PRRC2C: variants seen among roughly 807,000 people sequenced by gnomAD.
PRRC2C encodes the protein protein PRRC2C.
A neutral mutation model predicts 317.2 loss-of-function variants in PRRC2C; 72 were observed. That is an observed-to-expected ratio of 0.23 (90% CI 0.19 to 0.28). The LOEUF is 0.28. PRRC2C is among the 10% of genes least tolerant of loss of function. The pLI, the probability that PRRC2C is intolerant of heterozygous loss-of-function variation, is 1.00. For missense variants in PRRC2C, 3,074 were observed against 3,459.7 expected (o/e 0.89, Z 2.80); for synonymous variants, 1,296 against 1,205.9 (o/e 1.07, Z -1.55).
chr1:171,538,342 A>G (rs989324340), intron 15 of PRRC2C, among the ~76,000 whole-genome samples: 10 of 152,306 alleles, frequency 6.6e-5, no homozygotes, highest in African/African-American at 1.9e-4. Flanking sequence ...CTTATATAAT[A>G]TAGCTAGATG....
chr1:171,518,220 G>A (rs935092695), intron 6 of PRRC2C, among the ~76,000 whole-genome samples: 3 of 152,148 alleles, frequency 2.0e-5, no homozygotes, highest in Non-Finnish European at 2.9e-5. Context: ...AAAGAAGCAC[G>A]TACGTTACCA....
At chr1:171,492,103 G>C (rs1667257663) in intron 1 of PRRC2C, among the ~76,000 whole-genome samples, 1 of 152,286 alleles carries the variant, frequency 6.6e-6, no homozygotes, top group Non-Finnish European at 1.5e-5. Flanking sequence ...TTGGAAATTT[G>C]ATTTGTGGTG....
intron 23 of PRRC2C, among the ~76,000 whole-genome samples, chr1:171,570,564 C>T (rs1382284581): frequency 1.3e-5 from 2 of 152,112 alleles, no homozygotes; most frequent in East Asian, 1.9e-4. Context: ...GTTATTTTTC[C>T]TGAACAACTG....
intron 20 of PRRC2C, among the ~76,000 whole-genome samples, chr1:171,561,322 A>G (rs1007314494): frequency 3.9e-5 from 6 of 152,140 alleles, no homozygotes; most frequent in East Asian, 1.9e-4. Flanking sequence ...TTGTGGTGGC[A>G]TGTGCTTGTA....
chr1:171,575,159 A>G (rs769469434), intron 25 of PRRC2C, 31 bp downstream of exon 25: 4 of 1,542,856 alleles, frequency 2.6e-6, no homozygotes, highest in Non-Finnish European at 3.5e-6. Flanking sequence ...TTCTTTAAAT[A>G]TCTTACATTA....
rs370595615 is a variant in PRRC2C, at chr1:171,541,946, G to A, written c.4480G>A (p.Ala1494Thr). 3 of 1,613,780 alleles carry A rather than the reference G, an allele frequency of 1.9e-6. No individual in the cohort carries two copies. Among genetic ancestry groups the A allele is most frequent in the Non-Finnish European group, 2.5e-6 (3 of 1,179,784 alleles). ...ATCTAATCAGAACTCTTCAGATCAGGCAAATGAAGAATGGGAAACAGCTTC... is the reference window on the plus strand; with the variant it reads ...ATCTAATCAGAACTCTTCAGATCAGACAAATGAAGAATGGGAAACAGCTTC... The part of the protein sequence containing the change: ...DLSNQNSSDQ[A>T]NEEWETASES... Residue 1494 changes from alanine to threonine, a missense_variant, in exon 16 of 35, where the codon GCA becomes ACA. Physicochemically the swap from Ala to Thr is moderately conservative, Grantham distance 58 (BLOSUM62 0). This residue lies in a region of PRRC2C where 1,320 missense variants were observed against 1,395.7 expected (regional missense o/e 0.95). Transcript: ENST00000647382. The surrounding 1 kb of genome is among the most constrained non-coding windows in gnomAD (Gnocchi z 4.1).
rs901673097 is a variant in PRRC2C, at chr1:171,561,694, G to C, written c.6117+591G>C. On this transcript the variant is annotated intron_variant, in intron 20 of 34. Coordinates refer to ENST00000647382, the MANE Select transcript of PRRC2C (RefSeq NM_001387844.1). The stretch of plus-strand genomic sequence containing the variant: ...TCTCAAGAAAGATCTTAATGAAACA[G>C]AAAATAAAAGTGCAATTATTGTTTT... Among the ~76,000 whole-genome samples the C allele has an allele frequency of 7.9e-5, 12 of 152,250 alleles. No homozygotes were observed. In the South Asian group the frequency reaches 1.0e-3, roughly 13 times the overall value.
At chr1:171,516,737 CCG>C (rs1407614213) in intron 5 of PRRC2C, among the ~76,000 whole-genome samples, 2 of 152,166 alleles carry the variant, frequency 1.3e-5, no homozygotes, top group African/African-American at 4.8e-5. Flanking sequence ...TCTCTCAAAG[CCG>C]CGATGAAGCT....
chr1:171,556,363 C>G (rs1183822422), intron 18 of PRRC2C, among the ~76,000 whole-genome samples: 1 of 152,200 alleles, frequency 6.6e-6, no homozygotes, highest in Non-Finnish European at 1.5e-5. Context: ...GAAATCCCCC[C>G]ACCCCTTGTG....
At chr1:171,526,722 G>C (rs897098855) in intron 10 of PRRC2C, among the ~76,000 whole-genome samples, 1 of 150,158 alleles carries the variant, frequency 6.7e-6, no homozygotes, top group Non-Finnish European at 1.5e-5. Context: ...TGTAATGAGT[G>C]ATATGCTTTT....
Position 171,557,818 on chromosome 1 carries a change from C to T in PRRC2C, c.5706C>T (p.Ala1902=). The change falls in exon 19 of 35, where the codon GCC becomes GCT. Residue 1902 remains alanine (A), a synonymous_variant. Transcript: ENST00000647382. ...CTATCCCAGCCTCAGCCCCAACTGC[C>T]TCAGTCCCACTTGCCCCTGCCTCAG... The part of the protein sequence containing the change: ...APTIPASAPT[A]SVPLAPASAS... 1 of 1,549,438 alleles carries T rather than the reference C, an allele frequency of 6.5e-7. No homozygotes were observed. Among genetic ancestry groups the T allele is most frequent in the Non-Finnish European group, 8.7e-7 (1 of 1,145,660 alleles).
rs773035970 is a variant in PRRC2C at position 171,591,861 on chromosome 1, T to C, written c.*14T>C. On this transcript the variant is annotated 3_prime_UTR_variant, in exon 35 of 35. Transcript: ENST00000647382. ...ACAAAATCTTAAAGGCTATGGTTTA[T>C]TGCAGGGGATTGGGAGGGGGGCGGG... 3.8e-6 allele frequency: 3 copies of C among 786,762 alleles called. No individual in the cohort carries two copies. Among genetic ancestry groups the C allele is most frequent in the Non-Finnish European group, 5.7e-6 (3 of 530,816 alleles). The allele number at this position is 786,762 out of a possible 1,614,324, so 48.7% of individuals were successfully genotyped here. A position where few individuals can be genotyped will look rare whatever the true frequency, so the allele number is the denominator to read the frequency against.
At position 171,540,592 on chromosome 1, in the gene PRRC2C, A is replaced by G. The variant is rs1677780076; in HGVS notation, c.3126A>G (p.Glu1042=). Residue 1042 remains glutamate (E), a synonymous_variant, in exon 16 of 35, where the codon GAA becomes GAG. Coordinates refer to ENST00000647382, the MANE Select transcript of PRRC2C (RefSeq NM_001387844.1). The part of the protein sequence containing the change: ...QRKEKEGEKA[E]KVTEKVVVKP... The stretch of plus-strand genomic sequence containing the variant: ...AGGAGAAAGAAGGAGAAAAGGCCGA[A>G]AAGGTCACTGAAAAAGTAGTTGTAA... The G allele has an allele frequency of 1.2e-6, 2 of 1,613,828 alleles. No homozygotes were observed. Among genetic ancestry groups the G allele is most frequent in the African/African-American group, 2.7e-5 (2 of 74,898 alleles).
chr1:171,487,014 A>G (rs1026558655), intron 1 of PRRC2C, among the ~76,000 whole-genome samples: 4 of 152,220 alleles, frequency 2.6e-5, no homozygotes, highest in Non-Finnish European at 5.9e-5. Context: ...TGTCTTTAGC[A>G]TGTAGTCAAA....
chr1:171,556,461 C>A (rs1344443951), intron 18 of PRRC2C, among the ~76,000 whole-genome samples: 1 of 152,200 alleles, frequency 6.6e-6, no homozygotes, highest in African/African-American at 2.4e-5. Flanking sequence ...TGAGATGAAC[C>A]AGGTATCTCA....
At chr1:171,545,381 G>C (rs1678888794) in intron 16 of PRRC2C, 98 bp from the exon 17 acceptor site, 5 of 1,009,382 alleles carry the variant, frequency 5.0e-6, no homozygotes, top group Non-Finnish European at 7.2e-6. Flanking sequence ...TCCCAACAGT[G>C]TTTCATCTTA....
intron 22 of PRRC2C, 125 bp downstream of exon 22, chr1:171,566,968 C>A: frequency 2.8e-6 from 3 of 1,065,516 alleles, no homozygotes; most frequent in Non-Finnish European, 3.8e-6. Flanking sequence ...ATTATTTCCG[C>A]AAAGAAGATT....
At chr1:171,525,187 T>C (rs111484568) in intron 10 of PRRC2C, among the ~76,000 whole-genome samples, 1 of 152,200 alleles carries the variant, frequency 6.6e-6, no homozygotes, top group Non-Finnish European at 1.5e-5. Context: ...AAACTAAAGC[T>C]TCACATTTTT....
At chr1:171,490,779 G>A (rs1667006403) in intron 1 of PRRC2C, among the ~76,000 whole-genome samples, 2 of 152,134 alleles carry the variant, frequency 1.3e-5, no homozygotes, top group Admixed American at 1.3e-4. Context: ...TTACAAAAGT[G>A]GAAGGTTAAA....
Sources: allele counts gnomAD v4.1 joint callset (sites outside exome capture counted in the v4.1 genomes callset), GRCh38; gene constraint gnomAD v4.1.1; regional missense constraint gnomAD v4.1.1; non-coding constraint Gnocchi (gnomAD v3.1); transcripts MANE v1.5; gene names NCBI Gene and HGNC (gene_info 2026-07-23, HGNC 2026-07-21).